RAB27B: variants seen among roughly 807,000 people sequenced by gnomAD.
The protein encoded by RAB27B is ras-related protein Rab-27B.
RAB27B carries 15 observed loss-of-function variants against 24.6 expected under a neutral mutation model. The ratio of observed to expected loss-of-function variants is 0.61; its 90% CI spans 0.41 to 0.94. The LOEUF (loss-of-function observed/expected upper bound fraction) is 0.94, where lower values mean the gene tolerates loss of function less well. Among genes scored for constraint, RAB27B ranks in the 40% least tolerant of loss-of-function variants. RAB27B has a pLI of 0.00. For missense variants in RAB27B, 261 were observed against 266.8 expected (o/e 0.98, Z 0.15); for synonymous variants, 105 against 92.5 (o/e 1.14, Z -0.78).
chr18:54,879,728 AG>A (rs1317907618), intron 3 of RAB27B: 24 of 303,232 alleles, frequency 7.9e-5, no homozygotes, highest in Non-Finnish European at 9.9e-5. Context: ...AAGGAAAAAA[AG>A]GTTCTCCAGA....
At chr18:54,731,695 A>C (rs1221804428) in intron 2 of RAB27B, among the ~76,000 whole-genome samples, 4 of 152,176 alleles carry the variant, frequency 2.6e-5, no homozygotes, top group African/African-American at 4.8e-5. Context: ...ACAACAAAAA[A>C]AGAAAGTTAT....
At chr18:54,824,168 C>G (rs1910398508), upstream of RAB27B, among the ~76,000 whole-genome samples, 1 of 152,188 alleles carries the variant, frequency 6.6e-6, no homozygotes, top group African/African-American at 2.4e-5. Flanking sequence ...GGTTAATTCT[C>G]TTGTTGGCAT....
chr18:54,879,271 T>G (rs1240466785), intron 2 of RAB27B, 98 bp from the exon 3 acceptor site: 1 of 869,974 alleles, frequency 1.1e-6, no homozygotes, highest in East Asian at 2.4e-5. Context: ...GAACTTTGAT[T>G]ATAGTAATTG....
Position 54,785,171 on chromosome 18 carries a change from G to A in RAB27B, c.-20+67030G>A, listed in dbSNP as rs183038709. ...GGCTGGAGGGCAGTGGCAAAATCTC[G>A]GCTCACTGCAACCTTCGCCTCCCAG... On this transcript the variant is annotated intron_variant, in intron 2 of 4. Transcript: ENST00000586570. Among the ~76,000 whole-genome samples the A allele has an allele frequency of 2.1e-3, 314 of 151,796 alleles. 3 individuals are homozygous for A. Among genetic ancestry groups the A allele is most frequent in the Admixed American group, 0.018 (275 of 15,242 alleles).
chr18:54,745,378 G>T, intron 2 of RAB27B: 1 of 157,250 alleles, frequency 6.4e-6, no homozygotes, highest in East Asian at 1.8e-4. Flanking sequence ...AGGAAGAGCA[G>T]GCTGTGGCTG....
chr18:54,821,687 A>G (rs1192272932), intron 2 of RAB27B, among the ~76,000 whole-genome samples: 2 of 152,256 alleles, frequency 1.3e-5, no homozygotes. Flanking sequence ...TCCCAAAAGT[A>G]TAGTTTTAAA....
intron 1 of RAB27B, among the ~76,000 whole-genome samples, chr18:54,842,650 T>C (rs1911162482): frequency 1.3e-5 from 2 of 152,188 alleles, no homozygotes; most frequent in African/African-American, 2.4e-5. Context: ...TTAAGACACA[T>C]CTTGCTGTTA....
intron 1 of RAB27B, among the ~76,000 whole-genome samples, chr18:54,841,704 G>C (rs1225218830): frequency 6.7e-6 from 1 of 149,026 alleles, no homozygotes; most frequent in African/African-American, 2.6e-5. Context: ...TCAGCAAACA[G>C]GTCCACCGTT....
intron 2 of RAB27B, among the ~76,000 whole-genome samples, chr18:54,762,092 A>T (rs2145052365): frequency 6.6e-6 from 1 of 152,346 alleles, no homozygotes; most frequent in African/African-American, 2.4e-5. Context: ...GCCAAGGAAC[A>T]ACAGAAATTG....
chr18:54,747,609 A>G (rs1182694449), intron 2 of RAB27B, among the ~76,000 whole-genome samples: 2 of 152,136 alleles, frequency 1.3e-5, no homozygotes, highest in African/African-American at 4.8e-5. Context: ...TTCAGTGCAC[A>G]TGTGTTTGTG....
intron 2 of RAB27B, among the ~76,000 whole-genome samples, chr18:54,803,599 C>T (rs970544096): frequency 2.6e-5 from 4 of 152,036 alleles, no homozygotes; most frequent in African/African-American, 4.8e-5. Flanking sequence ...GAAATTACAG[C>T]GTAGTGCAAG....
intron 2 of RAB27B, among the ~76,000 whole-genome samples, chr18:54,786,198 A>G (rs1909079476): frequency 6.6e-6 from 1 of 152,160 alleles, no homozygotes; most frequent in Non-Finnish European, 1.5e-5. Context: ...ATGTCCTTTC[A>G]ACTTTGTATG....
intron 2 of RAB27B, among the ~76,000 whole-genome samples, chr18:54,772,189 T>C (rs1434887591): frequency 6.6e-6 from 1 of 152,240 alleles, no homozygotes; most frequent in East Asian, 1.9e-4. Flanking sequence ...GGGACTGCTT[T>C]GTTAAATGAC....
At chr18:54,852,984 A>C (rs985281118) in intron 1 of RAB27B, among the ~76,000 whole-genome samples, 1 of 152,194 alleles carries the variant, frequency 6.6e-6, no homozygotes, top group Non-Finnish European at 1.5e-5. Flanking sequence ...TCTCAAGGTC[A>C]TTTCCTGATA....
intron 2 of RAB27B, among the ~76,000 whole-genome samples, chr18:54,755,409 TAAATAACTTAA>T (rs1315735133): frequency 6.6e-6 from 1 of 151,968 alleles, no homozygotes; most frequent in Non-Finnish European, 1.5e-5. Context: ...AATAAATAAA[TAAATAACTTAA>T]AACTTTCACC....
intron 1 of RAB27B, among the ~76,000 whole-genome samples, chr18:54,853,739 T>C (rs1009189511): frequency 6.6e-6 from 1 of 152,218 alleles, no homozygotes; most frequent in Non-Finnish European, 1.5e-5. Context: ...TCATCCACTT[T>C]TGGGTGGACT....
chr18:54,811,998 C>A lies in RAB27B; in HGVS notation c.-19-65569C>A, dbSNP rs1463578750. On this transcript the variant is annotated intron_variant, in intron 2 of 4. Transcript: ENST00000586570. The stretch of plus-strand genomic sequence containing the variant: ...ACATCTCAATGGGTTCTGAGCGAAT[C>A]CATCACTCTCCTCCATGACTCCTAG... 2.0e-5 allele frequency among the ~76,000 whole-genome samples: 3 copies of A among 152,150 alleles called. No homozygotes were observed. The East Asian group carries it at 5.8e-4, about 29-fold the overall frequency.
At chr18:54,805,395 G>A (rs1262677999) in intron 2 of RAB27B, among the ~76,000 whole-genome samples, 6 of 152,146 alleles carry the variant, frequency 3.9e-5, no homozygotes, top group Non-Finnish European at 8.8e-5. Context: ...ACTGTATAAT[G>A]TTAAAACTTC....
At chr18:54,756,000 T>C (rs933131756) in intron 2 of RAB27B, among the ~76,000 whole-genome samples, 1 of 152,228 alleles carries the variant, frequency 6.6e-6, no homozygotes, top group South Asian at 2.1e-4. Context: ...TTTGATTGGC[T>C]GTTTCAGTAG....
Sources: gnomAD v4.1 joint callset for allele counts (sites outside exome capture counted in the v4.1 genomes callset) on GRCh38, gnomAD v4.1.1 for gene constraint, MANE v1.5 for transcripts, NCBI Gene and HGNC (gene_info 2026-07-23, HGNC 2026-07-21) for gene names.